SLC39A11: variants seen among roughly 807,000 people sequenced by gnomAD.
SLC39A11 encodes the protein solute carrier family 39 member 11, also known as zinc transporter ZIP11.
Under a neutral mutation model 36.1 loss-of-function variants are expected in SLC39A11, and 33 were observed. The ratio of observed to expected loss-of-function variants is 0.91; its 90% CI spans 0.69 to 1.22. The LOEUF (loss-of-function observed/expected upper bound fraction) is 1.22, where lower values mean the gene tolerates loss of function less well. SLC39A11 is among the 50% of genes most tolerant of loss of function. The pLI is 0.00. For synonymous variants in SLC39A11, 166 were observed against 170.3 expected (o/e 0.97, Z 0.20); for missense variants, 432 against 430.3 (o/e 1.00, Z -0.03).
chr17:72,997,749 T>C (rs1450191959), intron 4 of SLC39A11, among the ~76,000 whole-genome samples: 1 of 152,208 alleles, frequency 6.6e-6, no homozygotes, highest in Non-Finnish European at 1.5e-5. Flanking sequence ...TTGTCCAGAG[T>C]ACCCGCATTG....
chr17:72,986,211 G>A (rs1293906621), intron 4 of SLC39A11, among the ~76,000 whole-genome samples: 5 of 152,144 alleles, frequency 3.3e-5, no homozygotes, highest in African/African-American at 9.7e-5. Flanking sequence ...TCACTCCCCA[G>A]TAAGACTCCA....
intron 6 of SLC39A11, chr17:72,838,235 T>TGG (rs1567797838): frequency 5.7e-6 from 2 of 350,126 alleles, no homozygotes; most frequent in African/African-American, 4.3e-5. Context: ...CCTTTTCTTT[T>TGG]TTTTTTTTTT....
In SLC39A11 at chr17:72,980,358, T is replaced by C. The variant is rs182682883; in HGVS notation, c.307-32483A>G. 3.2e-3 allele frequency among the ~76,000 whole-genome samples: 488 copies of C among 152,164 alleles called. 2 individuals carry two copies. The highest frequency in any genetic ancestry group is 0.011 in the African/African-American group (467 of 41,512). ...TACATTCAACCCTAAACATGAAAAGTCCTTATGAAGAAAACTTAAAATGCT... is the reference window on the plus strand; with the variant it reads ...TACATTCAACCCTAAACATGAAAAGCCCTTATGAAGAAAACTTAAAATGCT... On this transcript the variant is annotated intron_variant, in intron 4 of 9. Transcript: ENST00000255559.
At chr17:72,703,608 T>G (rs1183624302) in intron 7 of SLC39A11, among the ~76,000 whole-genome samples, 1 of 152,164 alleles carries the variant, frequency 6.6e-6, no homozygotes, top group Non-Finnish European at 1.5e-5. Flanking sequence ...GATCTGTTTC[T>G]CCATGGCCAA....
chr17:72,676,298 CT>C (rs2071258613), intron 7 of SLC39A11, among the ~76,000 whole-genome samples: 1 of 152,100 alleles, frequency 6.6e-6, no homozygotes. Flanking sequence ...ACCCCAGCCC[CT>C]GATACCTTCT....
chr17:72,855,327 G>C (rs1033520319), intron 5 of SLC39A11, among the ~76,000 whole-genome samples: 7 of 152,134 alleles, frequency 4.6e-5, no homozygotes, highest in African/African-American at 1.7e-4. Context: ...TAAATCTAAT[G>C]GGCCCAATGA....
At chr17:72,848,910 A>G (rs1158547800) in intron 6 of SLC39A11, among the ~76,000 whole-genome samples, 2 of 152,212 alleles carry the variant, frequency 1.3e-5, no homozygotes, top group African/African-American at 4.8e-5. Flanking sequence ...CCTGCGCAGT[A>G]GAAAATCTGC....
chr17:72,922,210 C>T (rs945333540), intron 5 of SLC39A11, among the ~76,000 whole-genome samples: 1 of 152,218 alleles, frequency 6.6e-6, no homozygotes, highest in Admixed American at 6.5e-5. Flanking sequence ...AAGCACCCAG[C>T]TTGTGTCTGG....
chr17:72,945,071 G>GGAT (rs767835952), intron 5 of SLC39A11, among the ~76,000 whole-genome samples: 1 of 151,918 alleles, frequency 6.6e-6, no homozygotes, highest in Non-Finnish European at 1.5e-5. Flanking sequence ...ATGGATGGAT[G>GGAT]GGAGAGAGAA....
chr17:73,073,702 C>T (rs922522934), intron 3 of SLC39A11: 3 of 152,134 alleles, frequency 2.0e-5, no homozygotes, highest in Non-Finnish European at 4.4e-5. Context: ...AAGGTCAGGC[C>T]TAGGAAGTCA....
chr17:72,701,727 CAAA>C (rs57220008), intron 7 of SLC39A11, among the ~76,000 whole-genome samples: 82 of 88,850 alleles, frequency 9.2e-4, no homozygotes, highest in South Asian at 1.8e-3. Flanking sequence ...GATTCTGTCT[CAAA>C]AAAAAAAAAA....
intron 6 of SLC39A11, among the ~76,000 whole-genome samples, chr17:72,773,687 T>A (rs2076034889): frequency 8.7e-6 from 1 of 115,392 alleles, no homozygotes; most frequent in African/African-American, 4.5e-5. Flanking sequence ...ACCCAGTATA[T>A]AAAGGATATC....
intron 7 of SLC39A11, among the ~76,000 whole-genome samples, chr17:72,695,864 C>A (rs938198773): frequency 6.6e-6 from 1 of 152,158 alleles, no homozygotes; most frequent in Non-Finnish European, 1.5e-5. Context: ...GAAGGGTCCT[C>A]CTTCCAGAGC....
intron 6 of SLC39A11, among the ~76,000 whole-genome samples, chr17:72,809,839 G>A (rs1387224670): frequency 6.6e-6 from 1 of 152,110 alleles, no homozygotes; most frequent in Non-Finnish European, 1.5e-5. Flanking sequence ...GGAGGCTGAG[G>A]TGGGCAGATC....
At chr17:72,690,979 G>A (rs1024474552) in intron 7 of SLC39A11, among the ~76,000 whole-genome samples, 3 of 152,182 alleles carry the variant, frequency 2.0e-5, no homozygotes, top group Non-Finnish European at 4.4e-5. Context: ...TACAAGGGAG[G>A]AAGTGGCCAC....
At chr17:72,963,286 T>C (rs926560321) in intron 4 of SLC39A11, among the ~76,000 whole-genome samples, 5 of 145,070 alleles carry the variant, frequency 3.4e-5, no homozygotes, top group Non-Finnish European at 6.0e-5. Flanking sequence ...TTCTCCTTCC[T>C]CAGCCTCCAG....
At chr17:73,042,823 G>T (rs113110227) in intron 3 of SLC39A11, among the ~76,000 whole-genome samples, 267 of 152,178 alleles carry the variant, frequency 1.8e-3, no homozygotes, top group African/African-American at 5.9e-3. Flanking sequence ...ATAATAATAA[G>T]AAGAAGAATT....
Position 72,647,755 on chromosome 17 carries a change from G to A in SLC39A11, c.930-93C>T, listed in dbSNP as rs534591770. On this transcript the variant is annotated intron_variant, in intron 9 of 9. Transcript: ENST00000255559. Reference sequence around the variant, plus strand: ...CATCCTCTGCAATGTCCAATTCCAAGAGAAAGCACACTACCATTAATAATG... The same window carrying A: ...CATCCTCTGCAATGTCCAATTCCAAAAGAAAGCACACTACCATTAATAATG... The A allele has an allele frequency of 2.0e-5, 19 of 934,456 alleles. No homozygotes were observed. In the South Asian group the frequency reaches 2.3e-4, roughly 11 times the overall value. The allele number at this position is 934,456 out of a possible 1,614,324, so 57.9% of individuals were successfully genotyped here.
Position 72,680,647 on chromosome 17 carries a change from T to C in SLC39A11, c.672-31379A>G, listed in dbSNP as rs572186408. Among the ~76,000 whole-genome samples the C allele has an allele frequency of 6.6e-5, 10 of 152,336 alleles. 1 individual carries two copies. In the South Asian group the frequency reaches 2.1e-3, roughly 32 times the overall value. ...CCTCTTTCTTCTATAAATTACCCAA[T>C]GTCAGGTATGTCTGTATTAGTAGTG... On this transcript the variant is annotated intron_variant, in intron 7 of 9. Transcript: ENST00000255559.
Sources: allele counts gnomAD v4.1 joint callset (sites outside exome capture counted in the v4.1 genomes callset), GRCh38; gene constraint gnomAD v4.1.1; transcripts MANE v1.5; gene names NCBI Gene and HGNC (gene_info 2026-07-23, HGNC 2026-07-21).